The following NR3C2 variants were observed in gnomAD, a reference collection of about 807,000 sequenced individuals.
The protein encoded by NR3C2 is nuclear receptor subfamily 3 group C member 2.
In NR3C2, 15 loss-of-function variants were observed where a neutral mutation model predicts 86.4. The ratio of observed to expected loss-of-function variants is 0.17; its 90% CI spans 0.12 to 0.27. The LOEUF is 0.27. NR3C2 is among the 10% of genes least tolerant of loss of function. NR3C2 has a pLI of 1.00. For missense variants in NR3C2, 960 were observed against 1,195.6 expected (o/e 0.80, Z 2.91); for synonymous variants, 458 against 450.5 (o/e 1.02, Z -0.21).
chr4:148,177,573 A>C (rs558550202), intron 4 of NR3C2, among the ~76,000 whole-genome samples: 1 of 152,364 alleles, frequency 6.6e-6, no homozygotes, highest in Non-Finnish European at 1.5e-5. Flanking sequence ...CAAATAAAAA[A>C]ACATTAAGTT....
chr4:148,221,671 T>C (rs553088535), intron 3 of NR3C2, among the ~76,000 whole-genome samples: 1 of 152,228 alleles, frequency 6.6e-6, no homozygotes, highest in African/African-American at 2.4e-5. Context: ...GGCAGGTGGA[T>C]CACTTGAGGC....
At chr4:148,381,418 T>C (rs1246960735) in intron 2 of NR3C2, among the ~76,000 whole-genome samples, 4 of 152,182 alleles carry the variant, frequency 2.6e-5, no homozygotes, top group Non-Finnish European at 5.9e-5. Flanking sequence ...AGTTTCTAAA[T>C]GCTTTAAAAC....
At position 148,113,040 on chromosome 4, in the gene NR3C2, G is replaced by A. The variant is rs187125982; in HGVS notation, c.2799+1064C>T. Among the ~76,000 whole-genome samples the A allele has an allele frequency of 5.9e-5, 9 of 152,244 alleles. No individual in the cohort carries two copies. In the East Asian group the frequency reaches 7.7e-4, roughly 13 times the overall value. ...GACTGCGTACAACATCGTTTGAGCC[G>A]GAATTGGAGAAGCTGCTTGCAAAAT... On this transcript the variant is annotated intron_variant, in intron 8 of 8. Coordinates refer to ENST00000358102, the MANE Select transcript of NR3C2 (RefSeq NM_000901.5).
At chr4:148,226,877 T>C (rs954514074) in intron 3 of NR3C2, among the ~76,000 whole-genome samples, 1 of 152,192 alleles carries the variant, frequency 6.6e-6, no homozygotes, top group African/African-American at 2.4e-5. Flanking sequence ...TTGGCCAGCA[T>C]CATTGGTTAA....
intron 3 of NR3C2, among the ~76,000 whole-genome samples, chr4:148,211,272 A>G (rs1330131870): frequency 6.6e-6 from 1 of 152,258 alleles, no homozygotes; most frequent in Non-Finnish European, 1.5e-5. Context: ...CCCGAAAAAT[A>G]TAAGATTGTG....
At chr4:148,086,474 C>G (rs1382481013) in intron 8 of NR3C2, among the ~76,000 whole-genome samples, 3 of 152,194 alleles carry the variant, frequency 2.0e-5, no homozygotes, top group Admixed American at 2.0e-4. Flanking sequence ...GTGGCTCACG[C>G]CTGTTATCCC....
intron 2 of NR3C2, among the ~76,000 whole-genome samples, chr4:148,353,477 A>G (rs1027984221): frequency 6.6e-6 from 1 of 152,138 alleles, no homozygotes; most frequent in Admixed American, 6.6e-5. Flanking sequence ...ATTTTCTAGA[A>G]TATATAACAC....
intron 2 of NR3C2, among the ~76,000 whole-genome samples, chr4:148,320,872 T>A (rs929814926): frequency 1.3e-5 from 2 of 150,360 alleles, no homozygotes; most frequent in African/African-American, 2.5e-5. Context: ...TGTGTCTCTA[T>A]TTCCTTCAGT....
At chr4:148,163,927 T>C (rs781096597) in intron 4 of NR3C2, among the ~76,000 whole-genome samples, 2 of 152,140 alleles carry the variant, frequency 1.3e-5, no homozygotes, top group African/African-American at 2.4e-5. Flanking sequence ...AAAACTACAA[T>C]AGAGAAGTCC....
At chr4:148,282,575 CAG>C (rs1457393673) in intron 2 of NR3C2, among the ~76,000 whole-genome samples, 1 of 152,054 alleles carries the variant, frequency 6.6e-6, no homozygotes, top group Non-Finnish European at 1.5e-5. Flanking sequence ...TAGCAGAATG[CAG>C]AGAGGATAGT....
At chr4:148,325,106 GAGAC>G (rs1299930004) in intron 2 of NR3C2, among the ~76,000 whole-genome samples, 1 of 140,354 alleles carries the variant, frequency 7.1e-6, no homozygotes. Context: ...GCATAGTGGA[GAGAC>G]AGAGAGAGAG....
chr4:148,180,228 G>A (rs890239149), intron 4 of NR3C2, among the ~76,000 whole-genome samples: 1 of 151,758 alleles, frequency 6.6e-6, no homozygotes, highest in African/African-American at 2.4e-5. Context: ...GTAACAAGTT[G>A]CTGGCAGGTA....
chr4:148,213,558 G>T (rs1264699420), intron 3 of NR3C2, among the ~76,000 whole-genome samples: 1 of 152,158 alleles, frequency 6.6e-6, no homozygotes, highest in Non-Finnish European at 1.5e-5. Flanking sequence ...TTATTCTGCG[G>T]CTGTTCCAAA....
chr4:148,156,236 G>T (rs187953041), intron 4 of NR3C2, among the ~76,000 whole-genome samples: 211 of 152,236 alleles, frequency 1.4e-3, no homozygotes, highest in Admixed American at 2.1e-3. Context: ...CAAAAGCAAT[G>T]GCCACAAAAG....
chr4:148,425,077 ATTTT>A (rs952570271), intron 2 of NR3C2, among the ~76,000 whole-genome samples: 2 of 152,086 alleles, frequency 1.3e-5, no homozygotes, highest in Non-Finnish European at 2.9e-5. Context: ...AGTCAAAACA[ATTTT>A]TTTTGCTGAA....
chr4:148,118,075 A>G (rs1245715000), intron 7 of NR3C2, among the ~76,000 whole-genome samples: 1 of 151,974 alleles, frequency 6.6e-6, no homozygotes. Context: ...CCCTCATCTG[A>G]TGGGAGCTTC....
intron 3 of NR3C2, among the ~76,000 whole-genome samples, chr4:148,258,925 A>G: frequency 6.6e-6 from 1 of 152,234 alleles, no homozygotes; most frequent in East Asian, 1.9e-4. Flanking sequence ...TACCAATTCA[A>G]TGCTAGGTTT....
intron 3 of NR3C2, among the ~76,000 whole-genome samples, chr4:148,257,097 A>G (rs1404779112): frequency 6.6e-6 from 1 of 152,012 alleles, no homozygotes; most frequent in Non-Finnish European, 1.5e-5. Context: ...TGGTGCCATT[A>G]TTTCCTTTTA....
intron 4 of NR3C2, among the ~76,000 whole-genome samples, chr4:148,166,460 G>A (rs1734882406): frequency 6.6e-6 from 1 of 152,180 alleles, no homozygotes; most frequent in South Asian, 2.1e-4. Flanking sequence ...TTTTCATTTG[G>A]TATTCTGCCG....
Sources: allele counts gnomAD v4.1 joint callset (sites outside exome capture counted in the v4.1 genomes callset), GRCh38; gene constraint gnomAD v4.1.1; transcripts MANE v1.5; gene names NCBI Gene and HGNC (gene_info 2026-07-23, HGNC 2026-07-21).